Variants in MYOM3 observed in about 807,000 individuals in gnomAD.
The protein encoded by MYOM3 is myomesin-3.
Under a neutral mutation model 191.7 loss-of-function variants are expected in MYOM3, and 155 were observed. The ratio of observed to expected loss-of-function variants is 0.81; its 90% confidence interval spans 0.71 to 0.92. MYOM3 has a LOEUF of 0.92. Among genes scored for constraint, MYOM3 ranks in the 40% least tolerant of loss-of-function variants. The pLI, the probability that MYOM3 is intolerant of heterozygous loss-of-function variation, is 0.00. For synonymous variants in MYOM3, 757 were observed against 762.9 expected (o/e 0.99, Z 0.13); for missense variants, 1,889 against 1,890.6 (o/e 1.00, Z 0.02).
At position 24,057,327 on chromosome 1, in the gene MYOM3, T is replaced by C. The variant is rs1423881078; in HGVS notation, c.*37A>G. On this transcript the variant is annotated 3_prime_UTR_variant, in exon 37 of 37. Coordinates refer to ENST00000374434, the MANE Select transcript of MYOM3 (RefSeq NM_152372.4). ...GGTACAGGTTGTCCCTACTGGTCCA[T>C]GTAGACTAGACTCAGACTGTGCCTG... 2 of 1,594,766 alleles carry C rather than the reference T, an allele frequency of 1.3e-6. No homozygotes were observed. Among genetic ancestry groups the C allele is most frequent in the Non-Finnish European group, 1.7e-6 (2 of 1,169,132 alleles).
Position 24,087,211 on chromosome 1 carries a change from G to A in MYOM3, c.1615-384C>T, listed in dbSNP as rs1259146285. 1.3e-5 allele frequency among the ~76,000 whole-genome samples: 2 copies of A among 152,130 alleles called. No homozygotes were observed. Among genetic ancestry groups the A allele is most frequent in the Non-Finnish European group, 2.9e-5 (2 of 68,026 alleles). ...CCCTTCAAAATTTACCCAGAAACCA[G>A]CCATGCCTTATTGTCCTCATGCTCC... On this transcript the variant is annotated intron_variant, in intron 14 of 36. Transcript: ENST00000374434. This position sits in a 1 kb window ranked among gnomAD's most constrained non-coding sequence, Gnocchi z 4.5.
chr1:24,109,117 G>A (rs1644019053), intron 1 of MYOM3, among the ~76,000 whole-genome samples: 1 of 152,210 alleles, frequency 6.6e-6, no homozygotes, highest in Admixed American at 6.5e-5. Flanking sequence ...CTACCTCTGG[G>A]CCTTTGCCCA....
chr1:24,078,267 A>G (rs1265575876), intron 20 of MYOM3, among the ~76,000 whole-genome samples: 2 of 152,002 alleles, frequency 1.3e-5, no homozygotes, highest in Admixed American at 1.3e-4. Flanking sequence ...GGCACGCGCC[A>G]CCACACATGG....
At chr1:24,060,837 G>T (rs538736411) in intron 35 of MYOM3, among the ~76,000 whole-genome samples, 2 of 152,276 alleles carry the variant, frequency 1.3e-5, no homozygotes, top group South Asian at 2.1e-4. Flanking sequence ...CCATGTGCCT[G>T]CGAGAACCAG....
At chr1:24,060,260 T>G (rs1387070604) in intron 35 of MYOM3, among the ~76,000 whole-genome samples, 1 of 152,128 alleles carries the variant, frequency 6.6e-6, no homozygotes, top group Non-Finnish European at 1.5e-5. Flanking sequence ...CTGCAGGAGC[T>G]TCTCACTGCA....
chr1:24,081,643 G>T, intron 18 of MYOM3, 187 bp from the exon 19 acceptor site: 1 of 671,516 alleles, frequency 1.5e-6, no homozygotes, highest in Non-Finnish European at 2.5e-6. Flanking sequence ...GCTCACTGCA[G>T]CCTCAACCTT....
rs1446797206 is a variant in MYOM3, at chr1:24,090,961, T to A, written c.1268A>T (p.His423Leu). 2.5e-6 allele frequency: 4 copies of A among 1,614,034 alleles called. No individual in the cohort carries two copies. The highest frequency in any genetic ancestry group is 2.5e-6 in the Non-Finnish European group (3 of 1,179,984). Reference protein sequence around the residue: ...QGESGEWIACHEAPGGTCRCP... With the variant: ...QGESGEWIACLEAPGGTCRCP... Reference sequence around the variant, plus strand: ...CCGACAAGTCCCTCCGGGGGCCTCATGGCAGGCGATCCATTCCCCAGACTC... The same window carrying A: ...CCGACAAGTCCCTCCGGGGGCCTCAAGGCAGGCGATCCATTCCCCAGACTC... The change falls in exon 12 of 37, where the codon CAT (histidine) becomes CTT (leucine). Residue 423 changes from histidine (H) to leucine (L), a missense_variant. Transcript: ENST00000374434.
In MYOM3 at chr1:24,094,929, C is replaced by T; in HGVS notation, c.852G>A (p.Glu284=). Residue 284 remains glutamate, a synonymous_variant, in exon 9 of 37, where the codon GAG becomes GAA. Transcript: ENST00000374434. ...TSVLKPVFAR[E]KEPFSLSCLF... is the part of the protein sequence containing the mutation. ...AGCATGACAGGGAGAAGGGTTCCTTCTCACGAGCAAAGACTGGCTTCAGCA... is the reference window on the plus strand; with the variant it reads ...AGCATGACAGGGAGAAGGGTTCCTTTTCACGAGCAAAGACTGGCTTCAGCA... The T allele has an allele frequency of 1.9e-6, 3 of 1,614,156 alleles. No individual in the cohort carries two copies. The highest frequency in any genetic ancestry group is 1.7e-4 in the Middle Eastern group (1 of 6,060).
intron 22 of MYOM3, 36 bp from the exon 23 acceptor site, chr1:24,074,305 G>T: frequency 1.9e-6 from 3 of 1,538,712 alleles, no homozygotes; most frequent in East Asian, 4.5e-5. Flanking sequence ...TCTGGGAGGA[G>T]CTCCTTGGTC....
intron 16 of MYOM3, chr1:24,084,261 T>C (rs10903093): frequency 0.41 from 232,032 of 569,266 alleles, 48,826 homozygotes; most frequent in East Asian, 0.45. Flanking sequence ...CTCCCTCTCC[T>C]GCTCCCGCCA....
At position 24,087,029 on chromosome 1, in the gene MYOM3, C is replaced by T. The variant is rs1643758880; in HGVS notation, c.1615-202G>A. ...TTCCTACCGAGACCTCACGTCCAGC[C>T]TGTCCACAACGCGGCTCCAGAGCTT... On this transcript the variant is annotated intron_variant, in intron 14 of 36. Coordinates refer to ENST00000374434, the MANE Select transcript of MYOM3 (RefSeq NM_152372.4). This position sits in a 1 kb window ranked among gnomAD's most constrained non-coding sequence, Gnocchi z 4.5. Among the ~76,000 whole-genome samples, 1 of 152,188 alleles carries T rather than the reference C, an allele frequency of 6.6e-6. No homozygotes were observed. The highest frequency in any genetic ancestry group is 1.5e-5 in the Non-Finnish European group (1 of 68,018).
At chr1:24,108,424 TG>T in intron 2 of MYOM3, 51 bp downstream of exon 2, 4 of 1,461,616 alleles carry the variant, frequency 2.7e-6, no homozygotes, top group East Asian at 2.5e-5. Flanking sequence ...CTCCTCAGAC[TG>T]GGGGCCCTGG....
intron 16 of MYOM3, 164 bp downstream of exon 16, chr1:24,084,304 G>C: frequency 1.4e-6 from 1 of 701,114 alleles, no homozygotes; most frequent in East Asian, 2.8e-5. Flanking sequence ...CTCGCCTTCC[G>C]CCATAATCAT....
At chr1:24,084,013 T>G in intron 16 of MYOM3, 1 of 174,534 alleles carries the variant, frequency 5.7e-6, no homozygotes, top group Admixed American at 5.4e-5. Context: ...TGGGCTTCAT[T>G]ATCATTATGG....
rs1644040662 is a variant in MYOM3 at position 24,111,899 on chromosome 1, A to T, written c.-19+132T>A. 6.6e-6 allele frequency: 1 copy of T among 152,078 alleles called. No individual in the cohort carries two copies. The highest frequency in any genetic ancestry group is 1.5e-5 in the Non-Finnish European group (1 of 68,128). 9.4% of individuals were successfully genotyped at this position (152,078 alleles called of 1,614,324 possible). On this transcript the variant is annotated intron_variant, in intron 1 of 36. Coordinates refer to ENST00000374434, the MANE Select transcript of MYOM3 (RefSeq NM_152372.4). The surrounding 1 kb of genome is among the most constrained non-coding windows in gnomAD (Gnocchi z 4.7). ...ACAAATTTCCCAGGCTCCTTTCACAACACACAACACACATACACACAAACA... is the reference window on the plus strand; with the variant it reads ...ACAAATTTCCCAGGCTCCTTTCACATCACACAACACACATACACACAAACA...
rs533744034 is a variant in MYOM3 at position 24,066,927 on chromosome 1, A to G, written c.3423+94T>C. 219 of 1,131,780 alleles carry G rather than the reference A, an allele frequency of 1.9e-4. 2 individuals carry two copies. In the South Asian group the frequency reaches 3.3e-3, roughly 17 times the overall value. 70.1% of individuals were successfully genotyped at this position (1,131,780 alleles called of 1,614,324 possible). A position where few individuals can be genotyped will look rare whatever the true frequency, so the allele number is the denominator to read the frequency against. On this transcript the variant is annotated intron_variant, in intron 28 of 36. Coordinates refer to ENST00000374434, the MANE Select transcript of MYOM3 (RefSeq NM_152372.4). ...CAGCCAAGCACAGAGTATGGAATTT[A>G]GGGGGCCGGGTGGGCAGGGACAGCA...
At chr1:24,105,823 C>T in intron 5 of MYOM3, 97 bp downstream of exon 5, 1 of 1,263,998 alleles carries the variant, frequency 7.9e-7, no homozygotes, top group Non-Finnish European at 1.1e-6. Context: ...TCAGGGTTCA[C>T]AGGTCTGCAA....
At position 24,063,004 on chromosome 1, in the gene MYOM3, C is replaced by G; in HGVS notation, c.3770+122G>C. The stretch of plus-strand genomic sequence containing the variant: ...CTCTGCTAACCCCTGGGACCAGGCT[C>G]TGCTTGGGGGACCAGAAACTCTGCT... On this transcript the variant is annotated intron_variant, in intron 32 of 36. Coordinates refer to ENST00000374434, the MANE Select transcript of MYOM3 (RefSeq NM_152372.4). The surrounding 1 kb of genome is among the most constrained non-coding windows in gnomAD (Gnocchi z 4.5). 1 of 627,458 alleles carries G rather than the reference C, an allele frequency of 1.6e-6. No homozygotes were observed. The highest frequency in any genetic ancestry group is 2.9e-6 in the Non-Finnish European group (1 of 345,382). 38.9% of individuals were successfully genotyped at this position (627,458 alleles called of 1,614,324 possible). A position where few individuals can be genotyped will look rare whatever the true frequency, so the allele number is the denominator to read the frequency against.
intron 3 of MYOM3, among the ~76,000 whole-genome samples, 199 bp downstream of exon 3, chr1:24,107,794 G>A (rs989957889): frequency 1.3e-5 from 2 of 152,216 alleles, no homozygotes; most frequent in Non-Finnish European, 2.9e-5. Context: ...GCTATGACAC[G>A]TGCACCCTTC....
Sources: gnomAD v4.1 joint callset for allele counts (sites outside exome capture counted in the v4.1 genomes callset) on GRCh38, gnomAD v4.1.1 for gene constraint, Gnocchi (gnomAD v3.1) non-coding constraint, MANE v1.5 for transcripts, NCBI Gene and HGNC (gene_info 2026-07-23, HGNC 2026-07-21) for gene names.